Variants in ZPBP observed in about 807,000 individuals in gnomAD.
ZPBP encodes the protein zona pellucida binding protein.
ZPBP carries 26 observed loss-of-function variants against 44.8 expected under a neutral mutation model. The ratio of observed to expected loss-of-function variants is 0.58; its 90% CI spans 0.43 to 0.81. The LOEUF (loss-of-function observed/expected upper bound fraction) is 0.81, where lower values mean the gene tolerates loss of function less well. Ranked by LOEUF, ZPBP falls within the 30% of genes least tolerant of loss-of-function variation. The probability of loss-of-function intolerance (pLI) is 0.00; values close to 1 mark genes in which losing one functional copy is unlikely to be tolerated. For missense variants in ZPBP, 409 were observed against 434.0 expected (o/e 0.94, Z 0.51); for synonymous variants, 174 against 153.2 (o/e 1.14, Z -1.00).
At chr7:49,960,146 G>A (rs1601034) in intron 7 of ZPBP, among the ~76,000 whole-genome samples, 4,138 of 152,148 alleles carry the variant, frequency 0.027, 206 homozygotes, top group African/African-American at 0.094. Context: ...GAGGCCGGGC[G>A]CGGTGACTCA....
At chr7:49,916,994 G>T (rs2128745243) in intron 1 of ZPBP, 1 of 152,238 alleles carries the variant, frequency 6.6e-6, no homozygotes, top group African/African-American at 2.4e-5. Context: ...TTATGATAAA[G>T]GAAGTCAAGT....
chr7:50,071,020 AC>A (rs1801808307), intron 3 of ZPBP, among the ~76,000 whole-genome samples: 1 of 152,208 alleles, frequency 6.6e-6, no homozygotes, highest in Non-Finnish European at 1.5e-5. Context: ...GGGTTTTCTT[AC>A]ACACAACTAA....
chr7:49,859,829 C>T (rs768301340), intron 2 of ZPBP, among the ~76,000 whole-genome samples: 1 of 151,788 alleles, frequency 6.6e-6, no homozygotes, highest in Admixed American at 6.6e-5. Flanking sequence ...CACACACTCA[C>T]TCTGCTGAGG....
At chr7:49,994,435 C>A (rs1214860323) in intron 6 of ZPBP, among the ~76,000 whole-genome samples, 1 of 152,188 alleles carries the variant, frequency 6.6e-6, no homozygotes, top group African/African-American at 2.4e-5. Context: ...TTTACTTGTG[C>A]TTCAAGGTCT....
At chr7:49,996,149 T>G (rs1797829597) in intron 6 of ZPBP, among the ~76,000 whole-genome samples, 1 of 152,216 alleles carries the variant, frequency 6.6e-6, no homozygotes, top group Admixed American at 6.5e-5. Context: ...TATTATGCAT[T>G]AAAGACTTTC....
At chr7:49,995,121 T>C (rs879459317) in intron 6 of ZPBP, among the ~76,000 whole-genome samples, 12 of 152,154 alleles carry the variant, frequency 7.9e-5, no homozygotes, top group African/African-American at 2.4e-4. Flanking sequence ...CTCTGACACA[T>C]AAAATATCTT....
At chr7:49,844,196 C>T in the ZPBP span, among the ~76,000 whole-genome samples, 4 of 152,164 alleles carry the variant, frequency 2.6e-5, no homozygotes, top group Admixed American at 6.5e-5. Context: ...TCAGAGTGGA[C>T]GTCATGCATG....
At chr7:50,057,710 A>C (rs1288394806) in intron 4 of ZPBP, among the ~76,000 whole-genome samples, 1 of 152,196 alleles carries the variant, frequency 6.6e-6, no homozygotes, top group Non-Finnish European at 1.5e-5. Flanking sequence ...CCATAATATC[A>C]TCATAATAAT....
intron 3 of ZPBP, among the ~76,000 whole-genome samples, chr7:50,059,402 T>C (rs939706108): frequency 5.5e-4 from 83 of 152,224 alleles, no homozygotes; most frequent in African/African-American, 1.9e-3. Context: ...CATTATGCCT[T>C]GAGAACTTCC....
the ZPBP span, among the ~76,000 whole-genome samples, chr7:49,842,832 A>C: frequency 6.6e-6 from 1 of 152,266 alleles, no homozygotes; most frequent in East Asian, 1.9e-4. Flanking sequence ...AAGTGTGTTT[A>C]CTCATGCTTT....
chr7:49,853,942 C>T (rs1286709980), intron 2 of ZPBP, among the ~76,000 whole-genome samples: 4 of 149,484 alleles, frequency 2.7e-5, no homozygotes, highest in African/African-American at 9.9e-5. Flanking sequence ...TCAATTCCCA[C>T]CTATGAGTGA....
chr7:50,092,638 A>T (rs552361530), intron 1 of ZPBP, among the ~76,000 whole-genome samples: 1 of 152,334 alleles, frequency 6.6e-6, no homozygotes, highest in African/African-American at 2.4e-5. Context: ...AAATCGCATT[A>T]TTTCCTGTAT....
chr7:50,015,493 C>T (rs1216545998), intron 6 of ZPBP, among the ~76,000 whole-genome samples: 1 of 152,002 alleles, frequency 6.6e-6, no homozygotes, highest in East Asian at 1.9e-4. Flanking sequence ...TGAACATAGG[C>T]CTTGGCAAAG....
downstream of ZPBP, among the ~76,000 whole-genome samples, chr7:49,850,016 T>G (rs555990588): frequency 1.3e-5 from 2 of 152,232 alleles, no homozygotes; most frequent in South Asian, 4.1e-4. Flanking sequence ...CACTGCACAG[T>G]GCACAGGAAG....
At chr7:50,023,193 C>A (rs1365598332) in intron 5 of ZPBP, among the ~76,000 whole-genome samples, 3 of 152,042 alleles carry the variant, frequency 2.0e-5, no homozygotes, top group Non-Finnish European at 2.9e-5. Context: ...CAAACCCCCT[C>A]TAGCCCTCTC....
chr7:49,873,876 C>G (rs1791283922), intron 2 of ZPBP, among the ~76,000 whole-genome samples: 1 of 146,256 alleles, frequency 6.8e-6, no homozygotes, highest in African/African-American at 2.6e-5. Context: ...TTTATGCCAA[C>G]ATGGAGAAAT....
At chr7:49,870,418 A>G (rs1015438499) in intron 2 of ZPBP, among the ~76,000 whole-genome samples, 2 of 152,148 alleles carry the variant, frequency 1.3e-5, no homozygotes, top group Non-Finnish European at 2.9e-5. Flanking sequence ...AAAAAAATAA[A>G]AATTGTCTAT....
chr7:50,076,385 T>C (rs1162276606), intron 3 of ZPBP, among the ~76,000 whole-genome samples: 3 of 151,874 alleles, frequency 2.0e-5, no homozygotes, highest in Non-Finnish European at 4.4e-5. Flanking sequence ...CTCACCGCTG[T>C]TACTCAACAT....
At chr7:50,075,926 C>A (rs192649168) in intron 3 of ZPBP, among the ~76,000 whole-genome samples, 1 of 151,732 alleles carries the variant, frequency 6.6e-6, no homozygotes, top group Non-Finnish European at 1.5e-5. Flanking sequence ...ACCATTATAC[C>A]AAAACCAGAC....
Sources: allele counts gnomAD v4.1 joint callset (sites outside exome capture counted in the v4.1 genomes callset), GRCh38; gene constraint gnomAD v4.1.1; transcripts MANE v1.5; gene names NCBI Gene and HGNC (gene_info 2026-07-23, HGNC 2026-07-21).